The following FYB1 variants were observed in gnomAD, a reference collection of about 807,000 sequenced individuals.
FYB1 encodes FYN binding protein 1.
In FYB1, 41 loss-of-function variants were observed where a neutral mutation model predicts 94.1. The observed-to-expected ratio is 0.44, with a 90% CI of 0.34 to 0.57. The LOEUF (loss-of-function observed/expected upper bound fraction) is 0.57, where lower values mean the gene tolerates loss of function less well. FYB1 is among the 20% of genes least tolerant of loss of function. The pLI is 0.02. For synonymous variants in FYB1, 367 were observed against 353.2 expected, an observed-to-expected ratio of 1.04 and a Z score of -0.44; for missense variants, 1,050 against 976.8, an observed-to-expected ratio of 1.07 and a Z score of -1.00.
intron 16 of FYB1, among the ~76,000 whole-genome samples, chr5:39,113,301 T>C (rs1242489699): frequency 1.3e-5 from 2 of 152,138 alleles, no homozygotes; most frequent in Non-Finnish European, 2.9e-5. Context: ...AATCTCATCA[T>C]GGTCTGTATC....
At chr5:39,183,410 G>T (rs73091025) in intron 2 of FYB1, among the ~76,000 whole-genome samples, 114 of 152,234 alleles carry the variant, frequency 7.5e-4, no homozygotes, top group African/African-American at 2.6e-3. Context: ...TATCCCAAGG[G>T]TACTTGCCTC....
At chr5:39,228,707 G>A (rs778092111) in intron 1 of FYB1, among the ~76,000 whole-genome samples, 32 of 152,122 alleles carry the variant, frequency 2.1e-4, no homozygotes, top group Non-Finnish European at 4.7e-4. Flanking sequence ...AAAGAGGTTA[G>A]CAAAAGAAAA....
chr5:39,271,288 ATATTTGT>A (rs1752656673), intron 1 of FYB1, among the ~76,000 whole-genome samples: 1 of 152,186 alleles, frequency 6.6e-6, no homozygotes, highest in South Asian at 2.1e-4. Context: ...TTTTGGGGTA[ATATTTGT>A]TAGCATCAGA....
At chr5:39,201,470 C>T (rs1748305326) in intron 2 of FYB1, among the ~76,000 whole-genome samples, 1 of 152,174 alleles carries the variant, frequency 6.6e-6, no homozygotes, top group Admixed American at 6.5e-5. Context: ...TCTAACTCCT[C>T]TGTGTTGATA....
intron 1 of FYB1, among the ~76,000 whole-genome samples, chr5:39,205,571 G>T (rs568582861): frequency 6.6e-6 from 1 of 152,172 alleles, no homozygotes; most frequent in South Asian, 2.1e-4. Flanking sequence ...GCAACTTTAT[G>T]TCTTGGATTT....
In FYB1 at chr5:39,108,272, T is replaced by C. The variant is rs767995605; in HGVS notation, c.2436-10A>G. Reference sequence around the variant, plus strand: ...ATAGATCTCTCCATCACTGTAAATGTAAAAAAAAATTTTTATTTTAAAGAA... The same window carrying C: ...ATAGATCTCTCCATCACTGTAAATGCAAAAAAAAATTTTTATTTTAAAGAA... On this transcript the variant is annotated splice_polypyrimidine_tract_variant and intron_variant, in intron 17 of 18. Transcript: ENST00000512982. 1 of 1,518,206 alleles carries C rather than the reference T, an allele frequency of 6.6e-7. No individual in the cohort carries two copies. The highest frequency in any genetic ancestry group is 1.2e-5 in the South Asian group (1 of 81,202). The allele number at this position is 1,518,206 out of a possible 1,614,324, so 94.0% of individuals were successfully genotyped here. A position where few individuals can be genotyped will look rare whatever the true frequency, so the allele number is the denominator to read the frequency against.
At chr5:39,111,359 T>G (rs952139139) in intron 16 of FYB1, among the ~76,000 whole-genome samples, 5 of 151,914 alleles carry the variant, frequency 3.3e-5, no homozygotes, top group Middle Eastern at 3.2e-3. Flanking sequence ...TAGATCTAAT[T>G]TTAGTTCTGA....
chr5:39,138,331 G>A (rs1042344607), intron 6 of FYB1: 3 of 205,212 alleles, frequency 1.5e-5, no homozygotes, highest in Admixed American at 1.1e-4. Context: ...TTCAGGTGAA[G>A]AAGGCGTAAC....
intron 2 of FYB1, among the ~76,000 whole-genome samples, chr5:39,156,100 C>T (rs878936418): frequency 2.6e-5 from 4 of 152,082 alleles, no homozygotes; most frequent in Non-Finnish European, 5.9e-5. Context: ...AAGCAGGAGG[C>T]ATTACCCTGG....
chr5:39,205,947 C>T (rs780098028), intron 1 of FYB1, among the ~76,000 whole-genome samples: 2 of 152,072 alleles, frequency 1.3e-5, no homozygotes, highest in Non-Finnish European at 2.9e-5. Flanking sequence ...AAGAATTGCA[C>T]GTAATATATA....
intron 7 of FYB1, among the ~76,000 whole-genome samples, chr5:39,136,130 C>T (rs1433990605): frequency 2.0e-5 from 3 of 151,984 alleles, no homozygotes; most frequent in Non-Finnish European, 4.4e-5. Flanking sequence ...AGTGCCGAGG[C>T]CCGATCTCAG....
At chr5:39,138,304 C>A in intron 6 of FYB1, 1 of 186,244 alleles carries the variant, frequency 5.4e-6, no homozygotes. Flanking sequence ...TCATAGCACC[C>A]CGTGGGTGGA....
At chr5:39,184,065 T>C (rs1746510364) in intron 2 of FYB1, among the ~76,000 whole-genome samples, 1 of 152,176 alleles carries the variant, frequency 6.6e-6, no homozygotes, top group Admixed American at 6.5e-5. Flanking sequence ...TATTACTATT[T>C]AGTAATTTAG....
chr5:39,119,604 T>C lies in FYB1; in HGVS notation c.2169A>G (p.Thr723=). 1 of 1,547,310 alleles carries C rather than the reference T, an allele frequency of 6.5e-7. No individual in the cohort carries two copies. Among genetic ancestry groups the C allele is most frequent in the Non-Finnish European group, 8.7e-7 (1 of 1,146,086 alleles). ...TTAGCTTCTTAAGGTCCTTTTCTTC[T>C]GTCTTAGCTTTTCCAACATTAGTTC... is the stretch of plus-strand genomic sequence containing the variant. ...SQGTNVGKAK[T]EEKDLKKLKK... Residue 723 remains threonine, a synonymous_variant, in exon 15 of 19, where the codon ACA becomes ACG. Coordinates refer to ENST00000512982, the MANE Select transcript of FYB1 (RefSeq NM_001465.6).
chr5:39,237,174 T>C lies in FYB1; in HGVS notation c.-27-34187A>G, dbSNP rs75492942. Among the ~76,000 whole-genome samples, 1,164 of 152,178 alleles carry C rather than the reference T, an allele frequency of 7.6e-3. 25 individuals carry two copies. The highest frequency in any genetic ancestry group is 0.027 in the African/African-American group (1,104 of 41,516). On this transcript the variant is annotated intron_variant, in intron 1 of 1. Transcript: ENST00000510188. ...TGTCATTGGTAACTGGAAAAAATTGTAGGCTCATGCCAAAAACAACAGTTA... is the reference window on the plus strand; with the variant it reads ...TGTCATTGGTAACTGGAAAAAATTGCAGGCTCATGCCAAAAACAACAGTTA...
chr5:39,237,882 G>C (rs146558242), intron 1 of FYB1, among the ~76,000 whole-genome samples: 2 of 152,014 alleles, frequency 1.3e-5, no homozygotes, highest in African/African-American at 4.8e-5. Flanking sequence ...CAGGGAATGC[G>C]GATTAATAGA....
At chr5:39,135,046 T>G in intron 7 of FYB1, 32 bp from the exon 8 acceptor site, 1 of 1,601,438 alleles carries the variant, frequency 6.2e-7, no homozygotes, top group Non-Finnish European at 8.5e-7. Flanking sequence ...CACAAAAGAT[T>G]TCCTTATAAT....
chr5:39,115,793 G>A (rs994478327), intron 16 of FYB1, among the ~76,000 whole-genome samples: 6 of 152,128 alleles, frequency 3.9e-5, no homozygotes, highest in Admixed American at 3.9e-4. Flanking sequence ...AAGCAGATAA[G>A]GTGATTAAAT....
In FYB1 at chr5:39,227,233, C is replaced by T. The variant is rs142581889; in HGVS notation, c.-27-24246G>A. Among the ~76,000 whole-genome samples the T allele has an allele frequency of 4.9e-3, 737 of 150,820 alleles. 8 individuals are homozygous for T. The highest frequency in any genetic ancestry group is 7.4e-3 in the Non-Finnish European group (504 of 68,008). ...AAAGATATAAAAATCAAGTGTAATA[C>T]ATAACTCTTGGTTGGATTCTGGTTT... On this transcript the variant is annotated intron_variant, in intron 1 of 1. Transcript: ENST00000510188.
Sources: allele counts gnomAD v4.1 joint callset (sites outside exome capture counted in the v4.1 genomes callset), GRCh38; gene constraint gnomAD v4.1.1; transcripts MANE v1.5; gene names NCBI Gene and HGNC (gene_info 2026-07-23, HGNC 2026-07-21).